The following CCDC90B variants were observed in gnomAD, a reference collection of about 807,000 sequenced individuals.
CCDC90B encodes the protein coiled-coil domain containing 90B, also known as coiled-coil domain-containing protein 90B, mitochondrial.
CCDC90B carries 24 observed loss-of-function variants against 37.0 expected under a neutral mutation model. The observed-to-expected ratio is 0.65, with a 90% CI of 0.47 to 0.91. The LOEUF is 0.91. Ranked by LOEUF, CCDC90B falls within the 40% of genes least tolerant of loss-of-function variation. CCDC90B has a pLI of 0.00. For missense variants in CCDC90B, 319 were observed against 299.0 expected, an observed-to-expected ratio of 1.07 and a Z score of -0.49; for synonymous variants, 113 against 101.1, an observed-to-expected ratio of 1.12 and a Z score of -0.71.
chr11:83,259,515 T>TTTA lies in CCDC90B; in HGVS notation c.*2393_*2395dup, dbSNP rs1863839431. Reference sequence around the variant, plus strand: ...GCTGTATAACCTGGGAATAAGTATATTTATTTGTTGGGGCTTGAGAAGGTC... The same window carrying TTTA: ...GCTGTATAACCTGGGAATAAGTATATTTATTATTTGTTGGGGCTTGAGAAGGTC... On this transcript the variant is annotated 3_prime_UTR_variant, in exon 9 of 9. Coordinates refer to ENST00000529689, the MANE Select transcript of CCDC90B (RefSeq NM_021825.5). The TTTA allele has an allele frequency of 6.6e-6, 1 of 152,210 alleles. No homozygotes were observed. Among genetic ancestry groups the TTTA allele is most frequent in the South Asian group, 2.1e-4 (1 of 4,826 alleles). The allele number at this position is 152,210 out of a possible 1,614,324, so 9.4% of individuals were successfully genotyped here. A position where few individuals can be genotyped will look rare whatever the true frequency, so the allele number is the denominator to read the frequency against.
chr11:83,269,180 C>T (rs936648025), intron 7 of CCDC90B, among the ~76,000 whole-genome samples: 15 of 152,140 alleles, frequency 9.9e-5, no homozygotes, highest in African/African-American at 3.4e-4. Flanking sequence ...CTAAAATCGA[C>T]ACCCTAACAT....
chr11:83,263,645 C>G (rs990901676), intron 8 of CCDC90B, among the ~76,000 whole-genome samples: 1 of 152,138 alleles, frequency 6.6e-6, no homozygotes. Flanking sequence ...GTCTGACCCA[C>G]GATGAACCAT....
intron 2 of CCDC90B, among the ~76,000 whole-genome samples, chr11:83,279,189 G>C (rs571230367): frequency 2.0e-5 from 3 of 152,060 alleles, no homozygotes; most frequent in Non-Finnish European, 4.4e-5. Flanking sequence ...GCTGAGGCAG[G>C]AGAATGGTGT....
chr11:83,263,637 C>G (rs574148529), intron 8 of CCDC90B, among the ~76,000 whole-genome samples: 2 of 152,328 alleles, frequency 1.3e-5, no homozygotes, highest in East Asian at 3.9e-4. Context: ...AAGGTGGCGT[C>G]TGACCCACGA....
chr11:83,261,864 T>C lies in CCDC90B; in HGVS notation c.*47A>G. ...AATGTTCAAAGTAAATCTCTCCCGG[T>C]TTGGTGTTCTAAGAAGCCAACAGCC... On this transcript the variant is annotated 3_prime_UTR_variant, in exon 9 of 9. Transcript: ENST00000529689. 1 of 1,363,014 alleles carries C rather than the reference T, an allele frequency of 7.3e-7. No homozygotes were observed. The highest frequency in any genetic ancestry group is 1.5e-5 in the African/African-American group (1 of 67,748). The allele number at this position is 1,363,014 out of a possible 1,614,324, so 84.4% of individuals were successfully genotyped here.
rs989861652 is a variant in CCDC90B at position 83,282,845 on chromosome 11, C to G, written c.101-2585G>C. 4.6e-5 allele frequency among the ~76,000 whole-genome samples: 7 copies of G among 152,314 alleles called. No homozygotes were observed. The East Asian group carries it at 1.3e-3, about 29-fold the overall frequency. ...TCATAATTTACACATTTATGTGACT[C>G]TCAGTTGTCTCCCCAAGAGACCAGC... On this transcript the variant is annotated intron_variant, in intron 1 of 8. Transcript: ENST00000529689.
chr11:83,273,499 G>A (rs1300343541), intron 7 of CCDC90B, 148 bp downstream of exon 7: 9 of 499,874 alleles, frequency 1.8e-5, no homozygotes, highest in African/African-American at 1.6e-4. Context: ...TTCCCCAAAA[G>A]TGCTGGTTAA....
intron 8 of CCDC90B, among the ~76,000 whole-genome samples, chr11:83,264,506 T>C (rs1181806682): frequency 6.6e-6 from 1 of 152,178 alleles, no homozygotes; most frequent in Admixed American, 6.5e-5. Context: ...TCTTTAAGAA[T>C]GTTGAATATT....
chr11:83,268,558 T>A (rs961316597), intron 7 of CCDC90B, among the ~76,000 whole-genome samples: 1 of 152,046 alleles, frequency 6.6e-6, no homozygotes, highest in Non-Finnish European at 1.5e-5. Context: ...GAAGAGCTAA[T>A]TATCCTAAAT....
intron 1 of CCDC90B, among the ~76,000 whole-genome samples, chr11:83,282,539 G>A (rs1410356499): frequency 6.6e-6 from 1 of 152,154 alleles, no homozygotes; most frequent in African/African-American, 2.4e-5. Context: ...TCTTTGTAGG[G>A]TGCAGCTCGT....
intron 8 of CCDC90B, among the ~76,000 whole-genome samples, chr11:83,265,441 C>G (rs188078689): frequency 4.6e-5 from 7 of 152,102 alleles, no homozygotes; most frequent in Non-Finnish European, 1.5e-5. Context: ...TGGAGTACCA[C>G]AGTTTATCCT....
chr11:83,273,768 G>A (rs1285467215), intron 6 of CCDC90B, 25 bp downstream of exon 6: 2 of 1,601,636 alleles, frequency 1.2e-6, no homozygotes. Context: ...AAGTAACCAA[G>A]AAAGTACATT....
Position 83,273,635 on chromosome 11 carries a change from A to G in CCDC90B, c.594+12T>C, listed in dbSNP as rs557547702. 2.6e-5 allele frequency: 40 copies of G among 1,566,592 alleles called. No individual in the cohort carries two copies. In the East Asian group the frequency reaches 4.7e-4, roughly 18 times the overall value. On this transcript the variant is annotated intron_variant, in intron 7 of 8. Transcript: ENST00000529689. The stretch of plus-strand genomic sequence containing the variant: ...AACTGTACAAAAGAGACATTTTTAC[A>G]TATTACTTTACCTTTTTTGTAAATT...
intron 1 of CCDC90B, 145 bp downstream of exon 1, chr11:83,285,728 G>T: frequency 6.2e-6 from 9 of 1,445,218 alleles, no homozygotes; most frequent in Non-Finnish European, 8.1e-6. Context: ...CGGGGCAGCA[G>T]GCAGCGGCGT....
intron 1 of CCDC90B, among the ~76,000 whole-genome samples, chr11:83,282,753 C>G (rs916028417): frequency 2.2e-4 from 34 of 152,152 alleles, no homozygotes; most frequent in Non-Finnish European, 4.7e-4. Context: ...CCTGATGACT[C>G]CTTTAGGTTA....
chr11:83,285,938 G>C lies in CCDC90B; in HGVS notation c.35C>G (p.Ser12Cys), dbSNP rs763242248. 1.2e-6 allele frequency: 2 copies of C among 1,613,266 alleles called. No homozygotes were observed. Among genetic ancestry groups the C allele is most frequent in the Non-Finnish European group, 1.7e-6 (2 of 1,179,772 alleles). ...AACCCAACGATCTCCTCTGCCTTGG[G>C]AGAGAAAGAGCCGCCAAGCCTGGCG... ...NSRQAWRLFL[S>C]QGRGDRWVSR... is the part of the protein sequence containing the mutation. Residue 12 changes from serine to cysteine, a missense_variant, in exon 1 of 9, where the codon TCC becomes TGC. Physicochemically the swap from Ser to Cys is moderately radical, Grantham distance 112. Coordinates refer to ENST00000529689, the MANE Select transcript of CCDC90B (RefSeq NM_021825.5).
intron 3 of CCDC90B, among the ~76,000 whole-genome samples, chr11:83,275,350 T>C (rs573384781): frequency 6.6e-6 from 1 of 152,182 alleles, no homozygotes; most frequent in South Asian, 2.1e-4. Flanking sequence ...TAAGACAGCC[T>C]TACAAAGAAA....
chr11:83,272,996 A>G (rs1384691576), intron 7 of CCDC90B, among the ~76,000 whole-genome samples: 1 of 152,148 alleles, frequency 6.6e-6, no homozygotes, highest in East Asian at 1.9e-4. Flanking sequence ...TCATTTTCCA[A>G]ATTGTTAAAA....
intron 8 of CCDC90B, among the ~76,000 whole-genome samples, chr11:83,263,065 A>G (rs955756941): frequency 3.3e-5 from 5 of 152,090 alleles, no homozygotes; most frequent in Non-Finnish European, 7.4e-5. Context: ...TTTAAGACTA[A>G]GTGTACTTGA....
Sources: allele counts gnomAD v4.1 joint callset (sites outside exome capture counted in the v4.1 genomes callset), GRCh38; gene constraint gnomAD v4.1.1; transcripts MANE v1.5; gene names NCBI Gene and HGNC (gene_info 2026-07-23, HGNC 2026-07-21).